WDR17: variants seen among roughly 807,000 people sequenced by gnomAD.
The protein encoded by WDR17 is WD repeat-containing protein 17.
In WDR17, 143 loss-of-function variants were observed where a neutral mutation model predicts 161.7. That is an observed-to-expected ratio of 0.88 (90% confidence interval 0.77 to 1.02). The LOEUF (loss-of-function observed/expected upper bound fraction) is 1.02, where lower values mean the gene tolerates loss of function less well. Among genes scored for constraint, WDR17 ranks in the 50% least tolerant of loss-of-function variants. WDR17 has a pLI of 0.00. For missense variants in WDR17, 1,469 were observed against 1,520.9 expected, an observed-to-expected ratio of 0.97 and a Z score of 0.57; for synonymous variants, 517 against 515.6, an observed-to-expected ratio of 1.00 and a Z score of -0.04.
chr4:176,137,729 C>A, intron 9 of WDR17, 118 bp downstream of exon 9: 1 of 524,590 alleles, frequency 1.9e-6, no homozygotes, highest in Non-Finnish European at 2.9e-6. Flanking sequence ...TATGTGTGTT[C>A]TCTCAATTAG....
intron 20 of WDR17, among the ~76,000 whole-genome samples, chr4:176,161,641 G>A (rs1561201223): frequency 1.3e-5 from 2 of 152,112 alleles, no homozygotes; most frequent in East Asian, 3.9e-4. Flanking sequence ...AATGTGTTGG[G>A]AATAATGTAT....
At chr4:176,132,622 A>G (rs1007101468) in intron 7 of WDR17, among the ~76,000 whole-genome samples, 1 of 152,032 alleles carries the variant, frequency 6.6e-6, no homozygotes, top group Non-Finnish European at 1.5e-5. Context: ...AAAATGATTT[A>G]TAGCAAAAAT....
chr4:176,154,500 AG>A (rs1333502464), intron 17 of WDR17, among the ~76,000 whole-genome samples: 7 of 152,272 alleles, frequency 4.6e-5, no homozygotes, highest in Non-Finnish European at 1.0e-4. Flanking sequence ...AAAAGAAAAA[AG>A]AAATATGGGT....
chr4:176,125,004 C>A, intron 4 of WDR17, 100 bp from the exon 5 acceptor site: 1 of 1,331,754 alleles, frequency 7.5e-7, no homozygotes, highest in Non-Finnish European at 1.0e-6. Flanking sequence ...TTTTCAATAC[C>A]CTCAGAGATA....
intron 22 of WDR17, among the ~76,000 whole-genome samples, chr4:176,163,712 T>G (rs2126857365): frequency 6.6e-6 from 1 of 152,282 alleles, no homozygotes; most frequent in African/African-American, 2.4e-5. Flanking sequence ...ATGGTTTTGC[T>G]GGACACTTGA....
chr4:176,074,256 TC>T (rs1452348347), intron 1 of WDR17, among the ~76,000 whole-genome samples: 1 of 151,986 alleles, frequency 6.6e-6, no homozygotes, highest in East Asian at 1.9e-4. Context: ...AAGTCTTTAA[TC>T]CATCCTGTGC....
intron 4 of WDR17, among the ~76,000 whole-genome samples, chr4:176,122,625 A>G (rs548663831): frequency 6.6e-6 from 1 of 152,288 alleles, no homozygotes; most frequent in South Asian, 2.1e-4. Flanking sequence ...CAGTATAGCT[A>G]GGCTTCTTAC....
intron 1 of WDR17, chr4:176,098,386 G>A (rs1008077100): frequency 6.6e-5 from 10 of 151,956 alleles, no homozygotes; most frequent in Non-Finnish European, 1.0e-4. Context: ...TAAAGGCTTT[G>A]TAAAACATTT....
At chr4:176,133,456 T>C (rs1254480437) in intron 7 of WDR17, among the ~76,000 whole-genome samples, 1 of 150,062 alleles carries the variant, frequency 6.7e-6, no homozygotes, top group Non-Finnish European at 1.5e-5. Flanking sequence ...AAATTTTCTA[T>C]GACACTTCGT....
intron 11 of WDR17, among the ~76,000 whole-genome samples, chr4:176,145,173 G>A (rs771036741): frequency 3.0e-4 from 45 of 152,196 alleles, no homozygotes; most frequent in Admixed American, 1.2e-3. Context: ...TGTGGAGACT[G>A]TTTATAATGA....
chr4:176,172,763 G>A (rs533193073), intron 24 of WDR17, among the ~76,000 whole-genome samples: 2 of 152,118 alleles, frequency 1.3e-5, no homozygotes, highest in Non-Finnish European at 2.9e-5. Flanking sequence ...GGTGGTGCAG[G>A]AGCAGGCATA....
intron 4 of WDR17, among the ~76,000 whole-genome samples, chr4:176,124,886 G>C (rs960932245): frequency 4.6e-5 from 7 of 152,136 alleles, no homozygotes; most frequent in African/African-American, 1.7e-4. Context: ...CAAGGCACTG[G>C]AAATTGCCAA....
intron 1 of WDR17, among the ~76,000 whole-genome samples, chr4:176,110,124 C>G (rs1241763962): frequency 6.6e-6 from 1 of 151,880 alleles, no homozygotes; most frequent in Non-Finnish European, 1.5e-5. Flanking sequence ...AGGAGCTCCT[C>G]TCTTTATTTT....
At chr4:176,072,028 A>T (rs542248266) in intron 1 of WDR17, among the ~76,000 whole-genome samples, 20 of 152,204 alleles carry the variant, frequency 1.3e-4, no homozygotes, top group Non-Finnish European at 2.6e-4. Context: ...TGCCATAATG[A>T]CCTCATTCTT....
intron 21 of WDR17, 104 bp from the exon 22 acceptor site, chr4:176,163,050 A>T: frequency 7.2e-7 from 1 of 1,380,892 alleles, no homozygotes; most frequent in Non-Finnish European, 1.0e-6. Flanking sequence ...AGAATAATTG[A>T]TTTATAGGTT....
chr4:176,110,895 G>A (rs1006313753), intron 1 of WDR17, among the ~76,000 whole-genome samples: 8 of 152,074 alleles, frequency 5.3e-5, no homozygotes, highest in African/African-American at 1.4e-4. Flanking sequence ...TGCATCTCTG[G>A]GGTTGTCTAT....
At chr4:176,088,486 T>C (rs1735704040) in intron 1 of WDR17, among the ~76,000 whole-genome samples, 1 of 152,192 alleles carries the variant, frequency 6.6e-6, no homozygotes, top group South Asian at 2.1e-4. Context: ...CTATTTTTTC[T>C]TGTTGTTAAA....
At position 176,160,117 on chromosome 4, in the gene WDR17, T is replaced by C. The variant is rs1748806745; in HGVS notation, c.2649T>C (p.Leu883=). ...GAGGTCAGCTTAAAGAAGCTCTGCT[T>C]GTTGCACAGGTAAAACCACAGAACT... The part of the protein sequence containing the change: ...MSRGQLKEAL[L]VAQAACEGNM... Residue 883 remains leucine, a synonymous_variant, in exon 19 of 29, where the codon CTT becomes CTC. Coordinates refer to ENST00000508596, the MANE Select transcript of WDR17 (RefSeq NM_181265.4). 1.2e-6 allele frequency: 2 copies of C among 1,613,658 alleles called. No homozygotes were observed. The highest frequency in any genetic ancestry group is 8.5e-7 in the Non-Finnish European group (1 of 1,179,702).
At chr4:176,142,533 T>C (rs1745448816) in intron 11 of WDR17, among the ~76,000 whole-genome samples, 1 of 152,208 alleles carries the variant, frequency 6.6e-6, no homozygotes, top group African/African-American at 2.4e-5. Context: ...AAAAGGTCAA[T>C]CTTGTTTGAC....
Sources: allele counts gnomAD v4.1 joint callset (sites outside exome capture counted in the v4.1 genomes callset), GRCh38; gene constraint gnomAD v4.1.1; transcripts MANE v1.5; gene names NCBI Gene and HGNC (gene_info 2026-07-23, HGNC 2026-07-21).